The following EDIL3 variants were observed in gnomAD, a reference collection of about 807,000 sequenced individuals.
EDIL3 encodes EGF like and discoidin domains 3.
Under a neutral mutation model 67.4 loss-of-function variants are expected in EDIL3, and 37 were observed. That is an observed-to-expected ratio of 0.55 (90% confidence interval 0.42 to 0.72). The LOEUF (loss-of-function observed/expected upper bound fraction) is 0.72. Ranked by LOEUF, EDIL3 falls within the 30% of genes least tolerant of loss-of-function variation. The pLI is 0.00. For synonymous variants in EDIL3, 195 were observed against 196.3 expected (o/e 0.99, Z 0.05); for missense variants, 527 against 586.3 (o/e 0.90, Z 1.04).
chr5:84,060,530 C>G (rs1746523610), intron 8 of EDIL3, 46 bp from the exon 9 acceptor site: 1 of 1,601,640 alleles, frequency 6.2e-7, no homozygotes, highest in African/African-American at 1.3e-5. Context: ...AATTGATCAC[C>G]TGGAACTTTT....
intron 9 of EDIL3, among the ~76,000 whole-genome samples, chr5:84,009,715 A>T (rs1184652019): frequency 6.6e-6 from 1 of 152,170 alleles, no homozygotes; most frequent in Non-Finnish European, 1.5e-5. Flanking sequence ...TTTATAATGG[A>T]GAAATGGATG....
At chr5:84,006,341 CATAAAACAAA>C (rs1424906625) in intron 9 of EDIL3, among the ~76,000 whole-genome samples, 1 of 121,372 alleles carries the variant, frequency 8.2e-6, no homozygotes, top group African/African-American at 2.9e-5. Flanking sequence ...ACTATGCAGC[CATAAAACAAA>C]ACAAAACAAA....
chr5:84,277,994 C>T (rs762861543), intron 1 of EDIL3, among the ~76,000 whole-genome samples: 64 of 152,244 alleles, frequency 4.2e-4, no homozygotes, highest in Non-Finnish European at 6.3e-4. Context: ...TTTGTGTGTA[C>T]CATATTTTCC....
intron 9 of EDIL3, among the ~76,000 whole-genome samples, chr5:84,036,359 T>G (rs1343635604): frequency 6.6e-6 from 1 of 152,204 alleles, no homozygotes; most frequent in African/African-American, 2.4e-5. Context: ...TTCTCTGGAT[T>G]CCTGGCAAGT....
intron 4 of EDIL3, among the ~76,000 whole-genome samples, chr5:84,162,679 T>A (rs966548112): frequency 6.6e-6 from 1 of 152,126 alleles, no homozygotes; most frequent in African/African-American, 2.4e-5. Flanking sequence ...TGGATTTTCC[T>A]CTTGGGCTCC....
intron 9 of EDIL3, among the ~76,000 whole-genome samples, chr5:83,984,903 T>C (rs1404325459): frequency 6.6e-6 from 1 of 151,732 alleles, no homozygotes; most frequent in Non-Finnish European, 1.5e-5. Flanking sequence ...ATTATAGCAT[T>C]AAGCCAGGTA....
At chr5:83,946,251 A>G (rs1027923684) in intron 10 of EDIL3, among the ~76,000 whole-genome samples, 1 of 151,992 alleles carries the variant, frequency 6.6e-6, no homozygotes, top group Admixed American at 6.6e-5. Context: ...AGTTCAATTT[A>G]GAATTTTTTA....
chr5:84,172,102 G>A (rs1748822627), intron 4 of EDIL3, among the ~76,000 whole-genome samples: 1 of 152,098 alleles, frequency 6.6e-6, no homozygotes, highest in Non-Finnish European at 1.5e-5. Context: ...CAGAGTTAAG[G>A]TGTCTCACAC....
chr5:84,304,722 C>G (rs917298816), intron 1 of EDIL3, among the ~76,000 whole-genome samples: 5 of 152,128 alleles, frequency 3.3e-5, no homozygotes, highest in African/African-American at 4.8e-5. Flanking sequence ...ATTGGTTTTA[C>G]ATATTTATGA....
intron 1 of EDIL3, among the ~76,000 whole-genome samples, chr5:84,258,717 T>C (rs1049657202): frequency 1.2e-4 from 18 of 152,166 alleles, no homozygotes; most frequent in African/African-American, 4.3e-4. Context: ...TCTCAGCCTA[T>C]TTCCTTTATA....
At chr5:84,256,145 TATC>T (rs371189447) in intron 1 of EDIL3, among the ~76,000 whole-genome samples, 8 of 94,688 alleles carry the variant, frequency 8.4e-5, no homozygotes, top group East Asian at 6.1e-4. Flanking sequence ...TCTATCTATC[TATC>T]ATCTATCTAT....
At chr5:84,051,406 C>A (rs912631867) in intron 9 of EDIL3, among the ~76,000 whole-genome samples, 25 of 152,228 alleles carry the variant, frequency 1.6e-4, no homozygotes, top group Non-Finnish European at 3.4e-4. Flanking sequence ...GAGCACCTCT[C>A]CTCCTGCAAA....
At chr5:84,031,823 G>C (rs1361067762) in intron 9 of EDIL3, among the ~76,000 whole-genome samples, 1 of 152,182 alleles carries the variant, frequency 6.6e-6, no homozygotes, top group Non-Finnish European at 1.5e-5. Context: ...AACTAAAAAT[G>C]ACACAAAAGC....
At chr5:84,106,979 G>T in intron 5 of EDIL3, 149 bp from the exon 6 acceptor site, 1 of 857,016 alleles carries the variant, frequency 1.2e-6, no homozygotes, top group Non-Finnish European at 1.7e-6. Flanking sequence ...ATCTGTTATC[G>T]ATCTCTAAAT....
chr5:84,339,980 T>G (rs1310259159), intron 1 of EDIL3, among the ~76,000 whole-genome samples: 1 of 152,064 alleles, frequency 6.6e-6, no homozygotes. Flanking sequence ...AATAAAAACA[T>G]ATTTTAGCAT....
chr5:84,111,817 G>A (rs1747569867), intron 5 of EDIL3, among the ~76,000 whole-genome samples: 1 of 152,138 alleles, frequency 6.6e-6, no homozygotes, highest in Non-Finnish European at 1.5e-5. Context: ...GTGTAATGGG[G>A]AGACACAGAG....
intron 3 of EDIL3, among the ~76,000 whole-genome samples, chr5:84,208,450 C>T (rs1421228190): frequency 1.1e-4 from 17 of 151,380 alleles, no homozygotes; most frequent in South Asian, 4.2e-4. Flanking sequence ...GAGGCCGAGG[C>T]GGGTGGATCA....
intron 9 of EDIL3, among the ~76,000 whole-genome samples, chr5:83,997,210 C>G: frequency 6.6e-6 from 1 of 152,026 alleles, no homozygotes; most frequent in Non-Finnish European, 1.5e-5. Flanking sequence ...GGACTTTCTA[C>G]AAGGTAATGA....
intron 9 of EDIL3, among the ~76,000 whole-genome samples, chr5:83,967,040 G>A (rs888935898): frequency 1.3e-4 from 20 of 151,982 alleles, no homozygotes; most frequent in Non-Finnish European, 2.5e-4. Context: ...ACAATGTAAC[G>A]TTCTGGGTAT....
Sources: allele counts gnomAD v4.1 joint callset (sites outside exome capture counted in the v4.1 genomes callset), GRCh38; gene constraint gnomAD v4.1.1; transcripts MANE v1.5; gene names NCBI Gene and HGNC (gene_info 2026-07-23, HGNC 2026-07-21).